Variants in CEP162 observed in about 807,000 individuals in gnomAD.
CEP162 encodes the protein centrosomal protein of 162 kDa.
Under a neutral mutation model 169.2 loss-of-function variants are expected in CEP162, and 141 were observed. The ratio of observed to expected loss-of-function variants is 0.83; its 90% CI spans 0.73 to 0.96. CEP162 has a LOEUF of 0.96. CEP162 is among the 40% of genes least tolerant of loss of function. The pLI, the probability that CEP162 is intolerant of heterozygous loss-of-function variation, is 0.00. For missense variants in CEP162, 1,600 were observed against 1,587.2 expected (o/e 1.01, Z -0.14); for synonymous variants, 540 against 526.4 (o/e 1.03, Z -0.35).
chr6:84,200,830 C>T lies in CEP162; in HGVS notation c.794G>A (p.Arg265Lys). 1 of 1,611,522 alleles carries T rather than the reference C, an allele frequency of 6.2e-7. No individual in the cohort carries two copies. Residue 265 changes from arginine (R) to lysine (K), a missense_variant, in exon 9 of 27, where the codon AGG becomes AAG. Arg to Lys is a conservative substitution (Grantham distance 26). Transcript: ENST00000403245. Reference protein sequence around the residue: ...DEQDKITPKPRCLPEMTENEM... With the variant: ...DEQDKITPKPKCLPEMTENEM... ...ATTCTCAGTCATTTCTGGTAGGCAC[C>T]TTGGCTTAGGTGTTATTTTATCTTG...
At chr6:84,143,758 G>C (rs1175077060) in intron 25 of CEP162, among the ~76,000 whole-genome samples, 1 of 151,908 alleles carries the variant, frequency 6.6e-6, no homozygotes, top group East Asian at 1.9e-4. Context: ...CTAGAAACTG[G>C]TTTTCTCTCT....
At chr6:84,157,866 G>T (rs56384331) in intron 21 of CEP162, among the ~76,000 whole-genome samples, 16,211 of 151,952 alleles carry the variant, frequency 0.11, 1,356 homozygotes, top group African/African-American at 0.24. Context: ...TGACTCTGCC[G>T]GAAGCTCTAC....
chr6:84,158,735 G>A (rs933016783), intron 21 of CEP162, among the ~76,000 whole-genome samples: 1 of 151,872 alleles, frequency 6.6e-6, no homozygotes, highest in Non-Finnish European at 1.5e-5. Flanking sequence ...AGAGAACTAG[G>A]TTTTATAAAT....
At chr6:84,188,212 A>G (rs887217021) in intron 11 of CEP162, among the ~76,000 whole-genome samples, 12 of 152,234 alleles carry the variant, frequency 7.9e-5, no homozygotes, top group African/African-American at 2.4e-5. Flanking sequence ...ACAAGGAATC[A>G]AATATTAAAG....
Position 84,169,311 on chromosome 6 carries a change from A to G in CEP162, c.2385+17T>C, listed in dbSNP as rs993154554. On this transcript the variant is annotated intron_variant, in intron 18 of 26. Transcript: ENST00000403245. ...ACCTTTATTATCCCTAATAGTCAAA[A>G]TCGTTATGCAACTTACCTGTGCCAT... 2 of 1,412,022 alleles carry G rather than the reference A, an allele frequency of 1.4e-6. No individual in the cohort carries two copies. The highest frequency in any genetic ancestry group is 1.9e-6 in the Non-Finnish European group (2 of 1,036,520). 87.5% of individuals were successfully genotyped at this position (1,412,022 alleles called of 1,614,324 possible).
chr6:84,190,763 C>T (rs1415601112), intron 11 of CEP162, among the ~76,000 whole-genome samples: 3 of 152,242 alleles, frequency 2.0e-5, no homozygotes, highest in Non-Finnish European at 2.9e-5. Flanking sequence ...CGAGCGTCCG[C>T]GGCTTCATTC....
chr6:84,158,564 TTTA>T (rs1462691894), intron 21 of CEP162, among the ~76,000 whole-genome samples: 1 of 152,174 alleles, frequency 6.6e-6, no homozygotes, highest in African/African-American at 2.4e-5. Flanking sequence ...TGCTTGCACA[TTTA>T]TTGATATATC....
intron 25 of CEP162, among the ~76,000 whole-genome samples, chr6:84,134,511 C>T (rs117387642): frequency 0.04 from 6,147 of 152,268 alleles, 159 homozygotes; most frequent in Non-Finnish European, 0.06. Flanking sequence ...GTGTGCATTG[C>T]GAAGACCTTG....
intron 25 of CEP162, among the ~76,000 whole-genome samples, chr6:84,127,492 A>G (rs1015299341): frequency 1.3e-5 from 2 of 152,110 alleles, no homozygotes; most frequent in Non-Finnish European, 2.9e-5. Context: ...CAGAGAGCTC[A>G]GGGAGAGGCC....
chr6:84,185,553 T>C (rs936008873), intron 12 of CEP162, 105 bp from the exon 13 acceptor site: 9 of 1,049,972 alleles, frequency 8.6e-6, no homozygotes, highest in Non-Finnish European at 1.2e-5. Context: ...TCAAATAATG[T>C]AGTTTGTAAA....
chr6:84,132,053 T>C (rs2099511766), intron 25 of CEP162, among the ~76,000 whole-genome samples: 1 of 152,178 alleles, frequency 6.6e-6, no homozygotes, highest in African/African-American at 2.4e-5. Context: ...ACAAAATCTC[T>C]CAGCACTTGC....
intron 17 of CEP162, 113 bp from the exon 18 acceptor site, chr6:84,169,546 A>T: frequency 1.8e-6 from 1 of 561,264 alleles, no homozygotes; most frequent in Non-Finnish European, 3.0e-6. Flanking sequence ...AACTGTATGC[A>T]TAAATGAAGG....
intron 24 of CEP162, among the ~76,000 whole-genome samples, chr6:84,147,787 A>G (rs1439616412): frequency 6.6e-6 from 1 of 152,170 alleles, no homozygotes; most frequent in African/African-American, 2.4e-5. Flanking sequence ...TATGGCTTAA[A>G]TATAACATAA....
intron 25 of CEP162, among the ~76,000 whole-genome samples, chr6:84,131,857 G>A (rs1043356659): frequency 2.6e-5 from 4 of 152,092 alleles, no homozygotes; most frequent in African/African-American, 9.7e-5. Context: ...GGTTAATATT[G>A]TTATGTGTGA....
intron 7 of CEP162, 97 bp from the exon 8 acceptor site, chr6:84,201,864 T>C (rs999750043): frequency 4.7e-6 from 3 of 632,058 alleles, no homozygotes; most frequent in Middle Eastern, 2.5e-4. Context: ...TCCAGGGCTT[T>C]TTATTCCACA....
In CEP162 at chr6:84,224,130, A is replaced by C. The variant is rs114566030; in HGVS notation, c.57+2207T>G. ...TTTGTAACTGCCAAAAAGTGGAAAG[A>C]ACCCAGATGTCCGTCAACTGACAGG... On this transcript the variant is annotated intron_variant, in intron 2 of 26. Transcript: ENST00000403245. 1.9e-3 allele frequency among the ~76,000 whole-genome samples: 292 copies of C among 152,330 alleles called. 1 individual carries two copies. Among genetic ancestry groups the C allele is most frequent in the African/African-American group, 6.7e-3 (280 of 41,566 alleles).
chr6:84,209,883 C>T (rs138580596), intron 6 of CEP162, among the ~76,000 whole-genome samples: 11 of 152,070 alleles, frequency 7.2e-5, no homozygotes, highest in African/African-American at 2.4e-4. Context: ...GAATAAAGTA[C>T]GTCTGAAGTA....
chr6:84,136,993 T>G (rs1163377554), intron 25 of CEP162, among the ~76,000 whole-genome samples: 6 of 152,172 alleles, frequency 3.9e-5, no homozygotes, highest in Non-Finnish European at 8.8e-5. Flanking sequence ...TGCTGACTCT[T>G]GTAACTGAGC....
intron 25 of CEP162, among the ~76,000 whole-genome samples, chr6:84,146,041 A>G (rs964583846): frequency 3.3e-5 from 5 of 152,106 alleles, no homozygotes; most frequent in African/African-American, 9.7e-5. Context: ...GAATTGACCT[A>G]TTCTCAGCAC....
Sources: allele counts gnomAD v4.1 joint callset (sites outside exome capture counted in the v4.1 genomes callset), GRCh38; gene constraint gnomAD v4.1.1; transcripts MANE v1.5; gene names NCBI Gene and HGNC (gene_info 2026-07-23, HGNC 2026-07-21).